Variants in GALNT18 observed in about 807,000 individuals in gnomAD.
The protein encoded by GALNT18 is polypeptide N-acetylgalactosaminyltransferase 18, also known as GalNAc-transferase 18.
In GALNT18, 44 loss-of-function variants were observed where a neutral mutation model predicts 69.5. The observed-to-expected ratio is 0.63, with a 90% CI of 0.50 to 0.81. The LOEUF (loss-of-function observed/expected upper bound fraction) is 0.81, where lower values mean the gene tolerates loss of function less well. GALNT18 is among the 40% of genes least tolerant of loss of function. GALNT18 has a pLI of 0.00. For missense variants in GALNT18, 715 were observed against 810.0 expected, an observed-to-expected ratio of 0.88 and a Z score of 1.42; for synonymous variants, 364 against 318.2, an observed-to-expected ratio of 1.14 and a Z score of -1.53.
chr11:11,360,847 G>C lies in GALNT18; in HGVS notation c.1092+11668C>G, dbSNP rs962353783. ...TTACTCATTGATTGGAGAAAAAAAA[G>C]TAATTGTTTGCATTTTTTGATTTGT... On this transcript the variant is annotated intron_variant, in intron 6 of 10. Transcript: ENST00000227756. 4.7e-4 allele frequency among the ~76,000 whole-genome samples: 71 copies of C among 152,248 alleles called. 1 individual carries two copies. The highest frequency in any genetic ancestry group is 1.7e-3 in the African/African-American group (70 of 41,546).
In GALNT18 at chr11:11,454,695, C is replaced by T. The variant is rs918308183; in HGVS notation, c.236-5759G>A. Among the ~76,000 whole-genome samples the T allele has an allele frequency of 1.3e-5, 2 of 152,100 alleles. No homozygotes were observed. The highest frequency in any genetic ancestry group is 2.9e-5 in the Non-Finnish European group (2 of 68,004). ...AAGTGTCCAGCTCAAACCACAGAAC[C>T]ACAGAGAGCCAGAGAGTCAGGCCAG... On this transcript the variant is annotated intron_variant, in intron 1 of 10. Coordinates refer to ENST00000227756, the MANE Select transcript of GALNT18 (RefSeq NM_198516.3). The surrounding 1 kb of genome is among the most constrained non-coding windows in gnomAD (Gnocchi z 4.2).
chr11:11,463,388 T>C lies in GALNT18; in HGVS notation c.236-14452A>G, dbSNP rs1856089090. Among the ~76,000 whole-genome samples, 1 of 152,186 alleles carries C rather than the reference T, an allele frequency of 6.6e-6. No homozygotes were observed. The highest frequency in any genetic ancestry group is 1.5e-5 in the Non-Finnish European group (1 of 68,036). On this transcript the variant is annotated intron_variant, in intron 1 of 10. Coordinates refer to ENST00000227756, the MANE Select transcript of GALNT18 (RefSeq NM_198516.3). The surrounding 1 kb of genome is among the most constrained non-coding windows in gnomAD (Gnocchi z 4.2). ...AAGAACACTTACAAAAACAAACTTG[T>C]GAGAAGAAATATTATTCAGTTAACT...
intron 1 of GALNT18, among the ~76,000 whole-genome samples, chr11:11,522,428 G>A (rs368229284): frequency 1.0e-3 from 152 of 152,284 alleles, no homozygotes; most frequent in African/African-American, 3.6e-3. Flanking sequence ...GGATGAGAGT[G>A]TCCCTTGATT....
chr11:11,441,828 A>G (rs1855537973), intron 2 of GALNT18, among the ~76,000 whole-genome samples: 1 of 152,142 alleles, frequency 6.6e-6, no homozygotes, highest in Non-Finnish European at 1.5e-5. Flanking sequence ...GCCCAGTGCA[A>G]AAGGAAAATG....
intron 1 of GALNT18, among the ~76,000 whole-genome samples, chr11:11,565,187 T>C (rs949104604): frequency 3.3e-5 from 5 of 152,218 alleles, no homozygotes; most frequent in African/African-American, 1.2e-4. Flanking sequence ...GACAGTGCCC[T>C]GTTCCCAGAG....
At chr11:11,418,008 G>A (rs1040683355) in intron 3 of GALNT18, among the ~76,000 whole-genome samples, 7 of 152,242 alleles carry the variant, frequency 4.6e-5, no homozygotes, top group East Asian at 1.9e-4. Context: ...GCCTGAAGGC[G>A]GGGTGTATAT....
In GALNT18 at chr11:11,606,708, A is replaced by T. The variant is rs1225738010; in HGVS notation, c.235+14651T>A. On this transcript the variant is annotated intron_variant, in intron 1 of 10. Coordinates refer to ENST00000227756, the MANE Select transcript of GALNT18 (RefSeq NM_198516.3). The surrounding 1 kb of genome is among the most constrained non-coding windows in gnomAD (Gnocchi z 5.4). ...TAAGCACCTGGTTTCATCTGAGGAC[A>T]AACAAGTAAGGATTTTCCTTCCTGG... is the stretch of plus-strand genomic sequence containing the variant. Among the ~76,000 whole-genome samples, 1 of 152,204 alleles carries T rather than the reference A, an allele frequency of 6.6e-6. No individual in the cohort carries two copies. Among genetic ancestry groups the T allele is most frequent in the African/African-American group, 2.4e-5 (1 of 41,470 alleles).
At chr11:11,477,240 C>T (rs928067994) in intron 1 of GALNT18, among the ~76,000 whole-genome samples, 14 of 152,188 alleles carry the variant, frequency 9.2e-5, no homozygotes, top group African/African-American at 3.4e-4. Flanking sequence ...GCATCCTGCC[C>T]AGGAAGGCAT....
intron 1 of GALNT18, among the ~76,000 whole-genome samples, chr11:11,533,486 C>T (rs2133945114): frequency 6.6e-6 from 1 of 152,250 alleles, no homozygotes; most frequent in African/African-American, 2.4e-5. Context: ...CCTAAGGAGC[C>T]ACCAGGAGTG....
chr11:11,399,948 GT>G (rs1347685376), intron 3 of GALNT18, among the ~76,000 whole-genome samples: 1 of 152,170 alleles, frequency 6.6e-6, no homozygotes, highest in Non-Finnish European at 1.5e-5. Flanking sequence ...ATATACACAG[GT>G]TTTAAAAACA....
intron 3 of GALNT18, among the ~76,000 whole-genome samples, chr11:11,394,757 G>A (rs57755726): frequency 0.016 from 2,363 of 152,306 alleles, 67 homozygotes; most frequent in African/African-American, 0.054. Context: ...ATTAGAGGTG[G>A]TACCGACAGG....
chr11:11,605,824 G>A lies in GALNT18; in HGVS notation c.235+15535C>T, dbSNP rs896838919. 2.6e-5 allele frequency among the ~76,000 whole-genome samples: 4 copies of A among 152,136 alleles called. No homozygotes were observed. The highest frequency in any genetic ancestry group is 4.4e-5 in the Non-Finnish European group (3 of 68,026). ...ACAGCTTTATTAAAATGAAGATGTCGAGGGTCCCTTGAAGGCTTCAGGCTT... is the reference window on the plus strand; with the variant it reads ...ACAGCTTTATTAAAATGAAGATGTCAAGGGTCCCTTGAAGGCTTCAGGCTT... On this transcript the variant is annotated intron_variant, in intron 1 of 10. Coordinates refer to ENST00000227756, the MANE Select transcript of GALNT18 (RefSeq NM_198516.3). This position sits in a 1 kb window ranked among gnomAD's most constrained non-coding sequence, Gnocchi z 4.7.
At chr11:11,462,103 CTCATTCAGCAGTCTGAG>C (rs1856056172) in intron 1 of GALNT18, among the ~76,000 whole-genome samples, 1 of 152,106 alleles carries the variant, frequency 6.6e-6, no homozygotes. Flanking sequence ...CCCAGAGTTT[CTCATTCAGCAGTCTGAG>C]GGGAGGCCTG....
rs1425025849 is a variant in GALNT18, at chr11:11,621,213, C to G, written c.235+146G>C. 1.5e-6 allele frequency: 1 copy of G among 656,980 alleles called. No homozygotes were observed. Among genetic ancestry groups the G allele is most frequent in the Non-Finnish European group, 2.6e-6 (1 of 380,432 alleles). 40.7% of individuals were successfully genotyped at this position (656,980 alleles called of 1,614,324 possible). Reference sequence around the variant, plus strand: ...AAGGTCCCGAACGCAGGCAGGAGCTCACACGCAGGCCCCACGACTACCACG... The same window carrying G: ...AAGGTCCCGAACGCAGGCAGGAGCTGACACGCAGGCCCCACGACTACCACG... On this transcript the variant is annotated intron_variant, in intron 1 of 10. Coordinates refer to ENST00000227756, the MANE Select transcript of GALNT18 (RefSeq NM_198516.3). The surrounding 1 kb of genome is among the most constrained non-coding windows in gnomAD (Gnocchi z 9.3).
chr11:11,349,228 C>T (rs753677377), intron 6 of GALNT18, among the ~76,000 whole-genome samples: 37 of 152,016 alleles, frequency 2.4e-4, no homozygotes, highest in African/African-American at 4.4e-4. Context: ...GTCTTGTTTC[C>T]GGTATTACGG....
chr11:11,275,132 A>C (rs1316664459), intron 10 of GALNT18, among the ~76,000 whole-genome samples: 1 of 152,218 alleles, frequency 6.6e-6, no homozygotes, highest in Non-Finnish European at 1.5e-5. Context: ...TGTCTTCCAC[A>C]ATGGTTGAAC....
At chr11:11,585,808 T>C (rs1859205744) in intron 1 of GALNT18, among the ~76,000 whole-genome samples, 2 of 150,764 alleles carry the variant, frequency 1.3e-5, no homozygotes, top group South Asian at 4.2e-4. Flanking sequence ...TAAGTTTTTT[T>C]TTTTTTTTTT....
Position 11,320,006 on chromosome 11 carries a change from T to C in GALNT18, c.1512+7080A>G, listed in dbSNP as rs939738085. On this transcript the variant is annotated intron_variant, in intron 9 of 10. Coordinates refer to ENST00000227756, the MANE Select transcript of GALNT18 (RefSeq NM_198516.3). The surrounding 1 kb of genome is among the most constrained non-coding windows in gnomAD (Gnocchi z 4.9). ...CTCCACAAAGTTAGTACTACTATATTCTCTCTTATGCTGCTACAAGCCAAG... is the reference window on the plus strand; with the variant it reads ...CTCCACAAAGTTAGTACTACTATATCCTCTCTTATGCTGCTACAAGCCAAG... Among the ~76,000 whole-genome samples the C allele has an allele frequency of 6.6e-6, 1 of 152,078 alleles. No individual in the cohort carries two copies. Among genetic ancestry groups the C allele is most frequent in the Non-Finnish European group, 1.5e-5 (1 of 67,992 alleles).
At chr11:11,537,533 G>C (rs1857810513) in intron 1 of GALNT18, among the ~76,000 whole-genome samples, 3 of 152,156 alleles carry the variant, frequency 2.0e-5, no homozygotes. Context: ...GCTGCCCAGA[G>C]AACAGGAGCT....
Sources: gnomAD v4.1 joint callset for allele counts (sites outside exome capture counted in the v4.1 genomes callset) on GRCh38, gnomAD v4.1.1 for gene constraint, Gnocchi (gnomAD v3.1) non-coding constraint, MANE v1.5 for transcripts, NCBI Gene and HGNC (gene_info 2026-07-23, HGNC 2026-07-21) for gene names.